The following ZYG11B variants were observed in gnomAD, a reference collection of about 807,000 sequenced individuals.
The protein encoded by ZYG11B is zyg-11 family member B, cell cycle regulator.
Under a neutral mutation model 82.4 loss-of-function variants are expected in ZYG11B, and 36 were observed. The ratio of observed to expected loss-of-function variants is 0.44; its 90% confidence interval spans 0.33 to 0.58. ZYG11B has a LOEUF of 0.58. ZYG11B is among the 20% of genes least tolerant of loss of function. ZYG11B has a pLI of 0.02. For synonymous variants in ZYG11B, 303 were observed against 312.8 expected (o/e 0.97, Z 0.33); for missense variants, 552 against 895.6 (o/e 0.62, Z 4.90).
intron 1 of ZYG11B, among the ~76,000 whole-genome samples, chr1:52,744,676 A>G (rs553415904): frequency 2.0e-5 from 3 of 152,276 alleles, no homozygotes; most frequent in African/African-American, 7.2e-5. Context: ...CCCCGTCTCT[A>G]CTAAAAATAC....
At chr1:52,820,713 TTAAAAAAA>T (rs752609270) in intron 13 of ZYG11B, among the ~76,000 whole-genome samples, 1 of 120,936 alleles carries the variant, frequency 8.3e-6, no homozygotes, top group Non-Finnish European at 1.6e-5. Context: ...GAGACTGTCT[TTAAAAAAA>T]AAAAAAAAAA....
intron 5 of ZYG11B, among the ~76,000 whole-genome samples, chr1:52,787,018 A>G (rs1288074719): frequency 6.6e-6 from 1 of 151,776 alleles, no homozygotes; most frequent in Non-Finnish European, 1.5e-5. Flanking sequence ...TGAACCCGGG[A>G]GGGGGAGGTT....
Position 52,784,864 on chromosome 1 carries a change from T to G in ZYG11B, c.1093-13T>G, listed in dbSNP as rs1644900291. ...TATAAGGTGAATTAAGAGGACTAAT[T>G]TTTTTTTTCCAGCTTGTGGTTACTG... On this transcript the variant is annotated splice_polypyrimidine_tract_variant and intron_variant, in intron 4 of 13. Transcript: ENST00000294353. The G allele has an allele frequency of 1.9e-6, 3 of 1,610,418 alleles. No homozygotes were observed. Among genetic ancestry groups the G allele is most frequent in the Admixed American group, 3.4e-5 (2 of 58,800 alleles).
rs1645321680 is a variant in ZYG11B at position 52,825,928 on chromosome 1, G to C, written c.*4299G>C. On this transcript the variant is annotated 3_prime_UTR_variant, in exon 14 of 14. Transcript: ENST00000294353. ...ATTAGGTTAATTTACCAGAGATTTAGCTTAGTGTTTTTAAACTATAGAACA... is the reference window on the plus strand; with the variant it reads ...ATTAGGTTAATTTACCAGAGATTTACCTTAGTGTTTTTAAACTATAGAACA... The C allele has an allele frequency of 6.6e-6, 1 of 152,090 alleles. No homozygotes were observed. The highest frequency in any genetic ancestry group is 2.4e-5 in the African/African-American group (1 of 41,412). The allele number at this position is 152,090 out of a possible 1,614,324, so 9.4% of individuals were successfully genotyped here.
rs1037349258 is a variant in ZYG11B at position 52,797,080 on chromosome 1, G to A, written c.1485+296G>A. 7.0e-4 allele frequency among the ~76,000 whole-genome samples: 21 copies of A among 30,108 alleles called. 1 individual carries two copies. Among genetic ancestry groups the A allele is most frequent in the Admixed American group, 7.5e-4 (1 of 1,340 alleles). The allele number at this position is 30,108 out of a possible 152,430, so 19.8% of individuals were successfully genotyped here. On this transcript the variant is annotated intron_variant, in intron 8 of 13. Coordinates refer to ENST00000294353, the MANE Select transcript of ZYG11B (RefSeq NM_024646.3). ...TATATATATTTATATATTATATATTGTATATATTTATATATTACATATTGT... is the reference window on the plus strand; with the variant it reads ...TATATATATTTATATATTATATATTATATATATTTATATATTACATATTGT...
rs1338400338 is a variant in ZYG11B, at chr1:52,772,636, G to A, written c.951+862G>A. 8.4e-6 allele frequency: 8 copies of A among 953,878 alleles called. No homozygotes were observed. The Admixed American group carries it at 1.0e-4, about 12-fold the overall frequency. 59.1% of individuals were successfully genotyped at this position (953,878 alleles called of 1,614,324 possible). A position where few individuals can be genotyped will look rare whatever the true frequency, so the allele number is the denominator to read the frequency against. ...TGGGACAGGCCCTTCTCAGGAGCAC[G>A]CATACGACCCATGATGGCGGCGATC... On this transcript the variant is annotated intron_variant, in intron 3 of 13. Coordinates refer to ENST00000294353, the MANE Select transcript of ZYG11B (RefSeq NM_024646.3).
chr1:52,805,068 G>A (rs1645130358), intron 10 of ZYG11B: 1 of 145,650 alleles, frequency 6.9e-6, no homozygotes, highest in Middle Eastern at 3.9e-3. Context: ...TCCAGCCTGG[G>A]CAACAAGAGC....
chr1:52,770,530 G>A (rs1238953542), intron 2 of ZYG11B, among the ~76,000 whole-genome samples: 1 of 152,144 alleles, frequency 6.6e-6, no homozygotes, highest in Non-Finnish European at 1.5e-5. Context: ...AGAGGATTCT[G>A]CTTCATGGTC....
At chr1:52,755,586 C>T (rs979389659) in intron 1 of ZYG11B, among the ~76,000 whole-genome samples, 3 of 152,206 alleles carry the variant, frequency 2.0e-5, no homozygotes, top group Non-Finnish European at 4.4e-5. Flanking sequence ...ACTGCAACCT[C>T]TGCCTCCCAG....
chr1:52,775,054 T>A (rs554576535), intron 3 of ZYG11B, among the ~76,000 whole-genome samples: 38 of 152,086 alleles, frequency 2.5e-4, no homozygotes, highest in African/African-American at 8.0e-4. Flanking sequence ...TTTTTTTTTT[T>A]AACTTAGCTT....
At chr1:52,772,497 C>T in intron 3 of ZYG11B, 1 of 1,600,488 alleles carries the variant, frequency 6.2e-7, no homozygotes. Flanking sequence ...CACGATTACA[C>T]CGATCTGTGA....
intron 1 of ZYG11B, among the ~76,000 whole-genome samples, chr1:52,745,339 G>T (rs1338700216): frequency 1.3e-5 from 2 of 152,150 alleles, no homozygotes; most frequent in Non-Finnish European, 2.9e-5. Flanking sequence ...CTATGAGAAG[G>T]TTTAGGAAGA....
chr1:52,735,015 C>G (rs1644366386), intron 1 of ZYG11B, among the ~76,000 whole-genome samples: 2 of 151,116 alleles, frequency 1.3e-5, no homozygotes, highest in African/African-American at 4.9e-5. Flanking sequence ...AGGTATGAGC[C>G]ACTGCGCCCG....
intron 1 of ZYG11B, among the ~76,000 whole-genome samples, chr1:52,736,777 CG>C (rs1644381731): frequency 6.6e-6 from 1 of 150,822 alleles, no homozygotes; most frequent in South Asian, 2.1e-4. Flanking sequence ...TTAGTAGAGA[CG>C]GGGTTTTGCC....
chr1:52,771,877 A>G lies in ZYG11B; in HGVS notation c.951+103A>G. 1.5e-6 allele frequency: 2 copies of G among 1,362,416 alleles called. No homozygotes were observed. The highest frequency in any genetic ancestry group is 2.0e-6 in the Non-Finnish European group (2 of 1,000,174). 84.4% of individuals were successfully genotyped at this position (1,362,416 alleles called of 1,614,324 possible). ...CTGTAATATATGGAACATGTTCATG[A>G]AACAGGGCTGCATATAGTTGAAAGG... On this transcript the variant is annotated intron_variant, in intron 3 of 13. Coordinates refer to ENST00000294353, the MANE Select transcript of ZYG11B (RefSeq NM_024646.3). The surrounding 1 kb of genome is among the most constrained non-coding windows in gnomAD (Gnocchi z 5.4).
intron 8 of ZYG11B, among the ~76,000 whole-genome samples, chr1:52,797,751 C>T (rs1468079184): frequency 1.3e-5 from 2 of 151,252 alleles, no homozygotes; most frequent in Non-Finnish European, 2.9e-5. Flanking sequence ...CCTTGTGATC[C>T]GCCCACCTCG....
chr1:52,764,437 G>T (rs1230414620), intron 2 of ZYG11B, among the ~76,000 whole-genome samples: 2 of 151,872 alleles, frequency 1.3e-5, no homozygotes, highest in African/African-American at 4.8e-5. Context: ...ACCCAGCCAA[G>T]ATTTTTTTAA....
At chr1:52,819,300 A>G (rs974595398) in intron 13 of ZYG11B, among the ~76,000 whole-genome samples, 1 of 152,148 alleles carries the variant, frequency 6.6e-6, no homozygotes, top group Non-Finnish European at 1.5e-5. Flanking sequence ...CTGCCTCTTT[A>G]GCTACATTAA....
At chr1:52,734,726 T>C (rs1231994342) in intron 1 of ZYG11B, among the ~76,000 whole-genome samples, 1 of 122,880 alleles carries the variant, frequency 8.1e-6, no homozygotes, top group African/African-American at 4.7e-5. Context: ...CCAATTTTCT[T>C]TTTCTTTTTC....
Sources: allele counts gnomAD v4.1 joint callset (sites outside exome capture counted in the v4.1 genomes callset), GRCh38; gene constraint gnomAD v4.1.1; non-coding constraint Gnocchi (gnomAD v3.1); transcripts MANE v1.5; gene names NCBI Gene and HGNC (gene_info 2026-07-23, HGNC 2026-07-21).